Variants in TBCD observed in about 807,000 individuals in gnomAD.
TBCD encodes the protein tubulin-specific chaperone D.
Under a neutral mutation model 169.3 loss-of-function variants are expected in TBCD, and 105 were observed. The ratio of observed to expected loss-of-function variants is 0.62; its 90% CI spans 0.53 to 0.73. The LOEUF (loss-of-function observed/expected upper bound fraction) is 0.73, where lower values mean the gene tolerates loss of function less well. TBCD is among the 30% of genes least tolerant of loss of function. The pLI, the probability that TBCD is intolerant of heterozygous loss-of-function variation, is 0.00. For missense variants in TBCD, 1,444 were observed against 1,600.1 expected, an observed-to-expected ratio of 0.90 and a Z score of 1.66; for synonymous variants, 700 against 643.9, an observed-to-expected ratio of 1.09 and a Z score of -1.32.
chr17:82,900,573 CTG>C (rs930778744), intron 17 of TBCD, 76 bp from the exon 18 acceptor site: 26 of 1,122,738 alleles, frequency 2.3e-5, no homozygotes, highest in African/African-American at 4.6e-5. Context: ...TTGAAAGTAA[CTG>C]TGCTGAATTC....
At chr17:82,823,927 CT>C (rs1598727945) in intron 13 of TBCD, among the ~76,000 whole-genome samples, 1 of 152,082 alleles carries the variant, frequency 6.6e-6, no homozygotes, top group Non-Finnish European at 1.5e-5. Context: ...TCACTCGCCC[CT>C]GATGCTCCTT....
Position 82,923,305 on chromosome 17 carries a change from CAG to C in TBCD, c.2179-345_2179-344del, listed in dbSNP as rs1256730074. ...GTAGTAAAGTGATGCGTGTATCTGA[CAG>C]ATGATGGTGAGCAGGCGTGCTGGAA... On this transcript the variant is annotated intron_variant, in intron 25 of 38. Transcript: ENST00000355528. This position sits in a 1 kb window ranked among gnomAD's most constrained non-coding sequence, Gnocchi z 4.6. Among the ~76,000 whole-genome samples, 1 of 152,216 alleles carries C rather than the reference CAG, an allele frequency of 6.6e-6. No homozygotes were observed. Among genetic ancestry groups the C allele is most frequent in the Non-Finnish European group, 1.5e-5 (1 of 68,032 alleles).
chr17:82,803,090 C>T (rs532816678), intron 9 of TBCD, among the ~76,000 whole-genome samples: 1 of 152,280 alleles, frequency 6.6e-6, no homozygotes, highest in African/African-American at 2.4e-5. Context: ...TCTGTTAGTA[C>T]CGTTCTCTTC....
chr17:82,865,393 C>T (rs545426702), intron 13 of TBCD: 5 of 888,094 alleles, frequency 5.6e-6, no homozygotes, highest in Middle Eastern at 5.7e-4. Context: ...TCCACCCCAT[C>T]GTGGGAGGGA....
At chr17:82,805,477 C>T (rs765986144) in intron 9 of TBCD, among the ~76,000 whole-genome samples, 4 of 152,124 alleles carry the variant, frequency 2.6e-5, no homozygotes, top group South Asian at 2.1e-4. Context: ...GATGAAGGGG[C>T]GGTGTGTGGC....
intron 7 of TBCD, chr17:82,795,589 C>T: frequency 1.0e-6 from 1 of 985,540 alleles, no homozygotes; most frequent in East Asian, 1.1e-4. Flanking sequence ...TACGGTGGTG[C>T]TCTTTGCCTG....
chr17:82,768,976 T>TAAGTTGTTTATTTTCTCCGAAC (rs1203305549), intron 5 of TBCD, among the ~76,000 whole-genome samples: 2 of 152,228 alleles, frequency 1.3e-5, no homozygotes, highest in Non-Finnish European at 2.9e-5. Context: ...TGCCAAGAGA[T>TAAGTTGTTTATTTTCTCCGAAC]AAGTTGTTTA....
At chr17:82,837,565 C>A (rs750461348) in intron 13 of TBCD, among the ~76,000 whole-genome samples, 3 of 152,126 alleles carry the variant, frequency 2.0e-5, no homozygotes, top group Non-Finnish European at 4.4e-5. Flanking sequence ...GTTAATAAAG[C>A]AGAGTCTCAT....
At chr17:82,934,957 C>T (rs555485414) in intron 34 of TBCD, among the ~76,000 whole-genome samples, 40 of 152,214 alleles carry the variant, frequency 2.6e-4, no homozygotes, top group African/African-American at 8.9e-4. Context: ...AAACATTAGC[C>T]GGGTGTGGTG....
chr17:82,937,641 C>T, intron 35 of TBCD: 1 of 600,946 alleles, frequency 1.7e-6, no homozygotes, highest in Non-Finnish European at 2.9e-6. Flanking sequence ...GCTGCGTGGT[C>T]AGGGGCTGCC....
intron 18 of TBCD, among the ~76,000 whole-genome samples, chr17:82,900,953 C>T (rs372181079): frequency 1.4e-4 from 21 of 152,242 alleles, no homozygotes; most frequent in Admixed American, 2.6e-4. Context: ...TCCGACGTGG[C>T]GGTGTACCCG....
intron 16 of TBCD, among the ~76,000 whole-genome samples, chr17:82,891,410 G>A (rs937233371): frequency 6.6e-6 from 1 of 152,250 alleles, no homozygotes; most frequent in African/African-American, 2.4e-5. Context: ...ACCAGCATGC[G>A]GACGGCAGCG....
Position 82,833,949 on chromosome 17 carries a change from T to G in TBCD, c.1318+19015T>G, listed in dbSNP as rs943208418. 8.7e-6 allele frequency among the ~76,000 whole-genome samples: 1 copy of G among 115,444 alleles called. No individual in the cohort carries two copies. Among genetic ancestry groups the G allele is most frequent in the African/African-American group, 2.7e-5 (1 of 37,616 alleles). The allele number at this position is 115,444 out of a possible 152,430, so 75.7% of individuals were successfully genotyped here. On this transcript the variant is annotated intron_variant, in intron 13 of 38. Coordinates refer to ENST00000355528, the MANE Select transcript of TBCD (RefSeq NM_005993.5). This position sits in a 1 kb window ranked among gnomAD's most constrained non-coding sequence, Gnocchi z 4.7. ...CGCCCAAGGCTGAGAACAAAGGCTG[T>G]TTTTCTTTTTTTGAGACAGAGTTTC...
At chr17:82,886,239 T>G (rs1199435917) in intron 15 of TBCD, 1 of 152,260 alleles carries the variant, frequency 6.6e-6, no homozygotes, top group Non-Finnish European at 1.5e-5. Flanking sequence ...GTGCTGCAGC[T>G]GGTTCTCAGC....
At chr17:82,762,058 T>C (rs999380975) in intron 2 of TBCD, among the ~76,000 whole-genome samples, 1 of 151,738 alleles carries the variant, frequency 6.6e-6, no homozygotes, top group Non-Finnish European at 1.5e-5. Context: ...TGGCTGTTAT[T>C]AATAATGCTA....
intron 14 of TBCD, among the ~76,000 whole-genome samples, chr17:82,873,768 G>A (rs1599110864): frequency 6.6e-6 from 1 of 152,290 alleles, no homozygotes; most frequent in African/African-American, 2.4e-5. Context: ...GTGCAGGCGG[G>A]CCCCGTGCTT....
chr17:82,858,930 G>A (rs572824177), intron 13 of TBCD, among the ~76,000 whole-genome samples: 59 of 152,326 alleles, frequency 3.9e-4, no homozygotes, highest in Non-Finnish European at 7.2e-4. Context: ...GGATGAGTGC[G>A]GCTCTCAGCG....
intron 9 of TBCD, 83 bp downstream of exon 9, chr17:82,801,079 C>CGGGGCAGGTGCTGTT (rs1430948259): frequency 1.2e-6 from 1 of 805,350 alleles, no homozygotes; most frequent in East Asian, 1.3e-4. Context: ...TTGATGAGGG[C>CGGGGCAGGTGCTGTT]GGGGCAGGTG....
chr17:82,840,949 A>G (rs9895354), intron 13 of TBCD, among the ~76,000 whole-genome samples: 2 of 125,416 alleles, frequency 1.6e-5, no homozygotes, highest in African/African-American at 3.1e-5. Context: ...AGGACAGACA[A>G]ACTGGTTTTT....
Sources: gnomAD v4.1 joint callset for allele counts (sites outside exome capture counted in the v4.1 genomes callset) on GRCh38, gnomAD v4.1.1 for gene constraint, Gnocchi (gnomAD v3.1) non-coding constraint, MANE v1.5 for transcripts, NCBI Gene and HGNC (gene_info 2026-07-23, HGNC 2026-07-21) for gene names.